The following OCA2 variants were observed in gnomAD, a reference collection of about 807,000 sequenced individuals.
The protein encoded by OCA2 is OCA2 melanosomal transmembrane protein.
In OCA2, 77 loss-of-function variants were observed where a neutral mutation model predicts 100.2. That is an observed-to-expected ratio of 0.77 (90% CI 0.64 to 0.93). OCA2 has a LOEUF of 0.93. Among genes scored for constraint, OCA2 ranks in the 40% least tolerant of loss-of-function variants. OCA2 has a pLI of 0.00. For synonymous variants in OCA2, 432 were observed against 439.2 expected (o/e 0.98, Z 0.21); for missense variants, 1,062 against 1,089.1 (o/e 0.98, Z 0.35).
intron 19 of OCA2, among the ~76,000 whole-genome samples, chr15:27,876,421 C>T (rs890488211): frequency 6.6e-5 from 10 of 151,922 alleles, no homozygotes; most frequent in African/African-American, 2.4e-4. Flanking sequence ...TCACATAATA[C>T]GTTTGTCTTA....
At chr15:27,783,083 A>G (rs1312951851) in intron 23 of OCA2, among the ~76,000 whole-genome samples, 1 of 152,228 alleles carries the variant, frequency 6.6e-6, no homozygotes, top group Non-Finnish European at 1.5e-5. Flanking sequence ...CCAGTAAGAC[A>G]GCACAGCCCA....
chr15:27,907,971 G>C (rs2038240778), intron 19 of OCA2, among the ~76,000 whole-genome samples: 1 of 152,034 alleles, frequency 6.6e-6, no homozygotes, highest in African/African-American at 2.4e-5. Flanking sequence ...AATTATTTCA[G>C]ATTATTGAAA....
At chr15:27,946,181 A>T (rs958168006) in intron 18 of OCA2, among the ~76,000 whole-genome samples, 23 of 152,074 alleles carry the variant, frequency 1.5e-4, no homozygotes, top group East Asian at 9.6e-4. Context: ...TAAAACACAT[A>T]AAAAAATCTG....
chr15:28,012,129 C>T (rs547273432), intron 9 of OCA2, among the ~76,000 whole-genome samples: 1 of 152,084 alleles, frequency 6.6e-6, no homozygotes, highest in East Asian at 1.9e-4. Context: ...GCAAAAGGCA[C>T]ATACAGACAT....
chr15:28,016,391 GCTTT>G (rs2042394484), intron 7 of OCA2, among the ~76,000 whole-genome samples: 1 of 152,178 alleles, frequency 6.6e-6, no homozygotes, highest in Non-Finnish European at 1.5e-5. Flanking sequence ...AATTTAGAGA[GCTTT>G]GTTTAAGAAA....
chr15:27,934,459 C>T (rs1424312357), intron 18 of OCA2, among the ~76,000 whole-genome samples: 1 of 152,244 alleles, frequency 6.6e-6, no homozygotes, highest in Non-Finnish European at 1.5e-5. Flanking sequence ...CACCGCTCCT[C>T]TAACACAGAT....
intron 2 of OCA2, among the ~76,000 whole-genome samples, chr15:28,034,976 G>T (rs1566824816): frequency 6.6e-6 from 1 of 152,292 alleles, no homozygotes; most frequent in East Asian, 1.9e-4. Flanking sequence ...GCTCAGGAGA[G>T]TGCCCAGGAG....
chr15:27,861,136 G>C (rs2036114895), intron 21 of OCA2, among the ~76,000 whole-genome samples: 1 of 152,208 alleles, frequency 6.6e-6, no homozygotes, highest in African/African-American at 2.4e-5. Flanking sequence ...CAGGAGTATA[G>C]ATGGCAAGAA....
intron 19 of OCA2, among the ~76,000 whole-genome samples, chr15:27,902,971 C>T (rs1026988197): frequency 1.3e-5 from 2 of 152,204 alleles, no homozygotes; most frequent in Non-Finnish European, 2.9e-5. Flanking sequence ...ACCCCGACCT[C>T]GATCCCCTCG....
chr15:27,960,774 G>C (rs2040383823), intron 15 of OCA2, among the ~76,000 whole-genome samples: 1 of 151,996 alleles, frequency 6.6e-6, no homozygotes. Context: ...CATGGTGGCA[G>C]GCACCAGTAA....
chr15:27,891,320 A>T (rs2037452091), intron 19 of OCA2, among the ~76,000 whole-genome samples: 1 of 152,230 alleles, frequency 6.6e-6, no homozygotes, highest in African/African-American at 2.4e-5. Context: ...AATACTATAA[A>T]TGAATCAAAA....
At chr15:28,045,074 C>T (rs1396461655) in intron 2 of OCA2, among the ~76,000 whole-genome samples, 1 of 152,152 alleles carries the variant, frequency 6.6e-6, no homozygotes, top group South Asian at 2.1e-4. Context: ...AATCTACCAT[C>T]TTGATACTTG....
At chr15:28,064,912 CTGT>C (rs1159609701) in intron 2 of OCA2, among the ~76,000 whole-genome samples, 1 of 150,872 alleles carries the variant, frequency 6.6e-6, no homozygotes, top group African/African-American at 2.4e-5. Flanking sequence ...GCAGTGGTTG[CTGT>C]TGTTGTCACT....
rs368293640 is a variant in OCA2, at chr15:27,824,578, T to TTCTCTCTCTCTCTC, written c.2432+20367_2432+20380dup. On this transcript the variant is annotated intron_variant, in intron 23 of 23. Transcript: ENST00000354638. ...CTAATTTCTTTTGAATAAATACAAT[T>TTCTCTCTCTCTCTC]TCTCTCTCTCTCTCTCTCTCTCTCT... 2.2e-3 allele frequency among the ~76,000 whole-genome samples: 117 copies of TTCTCTCTCTCTCTC among 53,442 alleles called. 11 individuals are homozygous for TTCTCTCTCTCTCTC. The highest frequency in any genetic ancestry group is 0.015 in the East Asian group (2 of 130). 35.1% of individuals were successfully genotyped at this position (53,442 alleles called of 152,430 possible). A position where few individuals can be genotyped will look rare whatever the true frequency, so the allele number is the denominator to read the frequency against.
intron 16 of OCA2, 119 bp from the exon 17 acceptor site, chr15:27,955,334 C>G: frequency 2.5e-6 from 2 of 792,572 alleles, no homozygotes; most frequent in Non-Finnish European, 4.5e-6. Context: ...GCCTGGCTGG[C>G]AGGACTAGTC....
intron 14 of OCA2, among the ~76,000 whole-genome samples, chr15:27,968,842 A>G (rs1567171506): frequency 6.6e-6 from 1 of 152,170 alleles, no homozygotes; most frequent in Admixed American, 6.5e-5. Context: ...AGAAGAATTC[A>G]CCACTTTCCC....
the OCA2 span, among the ~76,000 whole-genome samples, chr15:27,721,116 TA>T: frequency 6.6e-6 from 1 of 152,238 alleles, no homozygotes; most frequent in African/African-American, 2.4e-5. Context: ...TGCTCTTTGT[TA>T]GTTGATTCTG....
At chr15:27,926,741 T>G (rs1300959124) in intron 18 of OCA2, among the ~76,000 whole-genome samples, 1 of 152,052 alleles carries the variant, frequency 6.6e-6, no homozygotes, top group Non-Finnish European at 1.5e-5. Context: ...GCTTCCCAAG[T>G]AGCTGGGATT....
chr15:27,955,014 C>T (rs2040171640), intron 17 of OCA2, 144 bp downstream of exon 17: 1 of 743,936 alleles, frequency 1.3e-6, no homozygotes, highest in African/African-American at 1.7e-5. Flanking sequence ...CATCCACTCA[C>T]ACACATAAAC....
Sources: gnomAD v4.1 joint callset for allele counts (sites outside exome capture counted in the v4.1 genomes callset) on GRCh38, gnomAD v4.1.1 for gene constraint, MANE v1.5 for transcripts, NCBI Gene and HGNC (gene_info 2026-07-23, HGNC 2026-07-21) for gene names.